ABCA5: variants seen among roughly 807,000 people sequenced by gnomAD.
ABCA5 encodes the protein ATP binding cassette subfamily A member 5, also known as cholesterol transporter ABCA5.
In ABCA5, 163 loss-of-function variants were observed where a neutral mutation model predicts 206.0. The ratio of observed to expected loss-of-function variants is 0.79; its 90% CI spans 0.70 to 0.90. The LOEUF (loss-of-function observed/expected upper bound fraction) is 0.90. Ranked by LOEUF, ABCA5 falls within the 40% of genes least tolerant of loss-of-function variation. The probability of loss-of-function intolerance (pLI) is 0.00; values close to 1 mark genes in which losing one functional copy is unlikely to be tolerated. For synonymous variants in ABCA5, 609 were observed against 613.8 expected (o/e 0.99, Z 0.11); for missense variants, 1,859 against 1,912.9 (o/e 0.97, Z 0.53).
chr17:69,319,894 A>G (rs2075848296), intron 1 of ABCA5, among the ~76,000 whole-genome samples: 1 of 152,250 alleles, frequency 6.6e-6, no homozygotes, highest in Admixed American at 6.5e-5. Flanking sequence ...GTATAGGTTA[A>G]GAGTATGACC....
chr17:69,285,288 T>C (rs1041967849), intron 17 of ABCA5: 2 of 148,880 alleles, frequency 1.3e-5, no homozygotes, highest in Admixed American at 1.4e-4. Flanking sequence ...TTGGCAAGTG[T>C]ACTTCAGTCC....
chr17:69,283,408 T>A (rs1598175998), intron 18 of ABCA5, among the ~76,000 whole-genome samples: 1 of 152,318 alleles, frequency 6.6e-6, no homozygotes, highest in South Asian at 2.1e-4. Flanking sequence ...CGTGTTTTTT[T>A]AAAAATTCAA....
chr17:69,278,467 T>C (rs1029548539), intron 18 of ABCA5, among the ~76,000 whole-genome samples: 12 of 152,208 alleles, frequency 7.9e-5, no homozygotes, highest in Admixed American at 5.9e-4. Flanking sequence ...CAGGCTCAGT[T>C]TTCAGCCAAA....
rs191100866 is a variant in ABCA5, at chr17:69,319,418, A to G, written c.-15-4988T>C. Among the ~76,000 whole-genome samples the G allele has an allele frequency of 2.0e-5, 3 of 152,268 alleles. No individual in the cohort carries two copies. In the East Asian group the frequency reaches 5.8e-4, roughly 29 times the overall value. ...TTCCTGAACTCAAGGTTGAGTCTCT[A>G]AGGGCCTTGTCTAAAAAACCTGCCC... On this transcript the variant is annotated intron_variant, in intron 1 of 38. Coordinates refer to ENST00000392676, the MANE Select transcript of ABCA5 (RefSeq NM_172232.4).
intron 19 of ABCA5, among the ~76,000 whole-genome samples, chr17:69,277,304 G>A (rs763898004): frequency 1.3e-5 from 2 of 152,142 alleles, no homozygotes; most frequent in Non-Finnish European, 2.9e-5. Flanking sequence ...ACAATGGGGA[G>A]TGTATTAATA....
rs756418001 is a variant in ABCA5, at chr17:69,256,291, T to C, written c.3732-8A>G. 8 of 1,522,302 alleles carry C rather than the reference T, an allele frequency of 5.3e-6. No homozygotes were observed. The South Asian group carries it at 7.6e-5, about 14-fold the overall frequency. The allele number at this position is 1,522,302 out of a possible 1,614,324, so 94.3% of individuals were successfully genotyped here. ...GACTTCGTTGAAAGGTTTCTACATA[T>C]ATATAATAAATATAAAAGACAGTAG... On this transcript the variant is annotated splice_polypyrimidine_tract_variant and splice_region_variant and intron_variant, in intron 28 of 38. Coordinates refer to ENST00000392676, the MANE Select transcript of ABCA5 (RefSeq NM_172232.4).
In ABCA5 at chr17:69,256,282, T is replaced by C; in HGVS notation, c.3733A>G (p.Asn1245Asp). The C allele has an allele frequency of 6.4e-7, 1 of 1,568,284 alleles. No homozygotes were observed. Among genetic ancestry groups the C allele is most frequent in the Non-Finnish European group, 8.7e-7 (1 of 1,152,520 alleles). The change falls in exon 29 of 39, where the codon AAC becomes GAC. Residue 1245 changes from asparagine to aspartate, a missense_variant and splice_region_variant. By Grantham distance (23) the Asn-to-Asp change is conservative (BLOSUM62 1). Transcript: ENST00000392676. ...CTATTTTTAGACTTCGTTGAAAGGT[T>C]TCTACATATATATAATAAATATAAA... ...RSIRKDPFFRNLSTKSKNRKL... is the reference protein window; with the variant it reads ...RSIRKDPFFRDLSTKSKNRKL...
chr17:69,277,982 A>AT, intron 18 of ABCA5, 140 bp from the exon 19 acceptor site: 1 of 598,028 alleles, frequency 1.7e-6, no homozygotes, highest in Non-Finnish European at 2.7e-6. Flanking sequence ...GGCAGTATCT[A>AT]TTAAAGCTGA....
At chr17:69,310,422 T>C (rs1357611585) in intron 3 of ABCA5, among the ~76,000 whole-genome samples, 2 of 152,350 alleles carry the variant, frequency 1.3e-5, no homozygotes, top group East Asian at 3.8e-4. Context: ...ATTACAGGCA[T>C]GAGCCAGTGC....
intron 22 of ABCA5, among the ~76,000 whole-genome samples, chr17:69,270,233 T>C (rs1049082643): frequency 6.6e-6 from 1 of 152,122 alleles, no homozygotes; most frequent in South Asian, 2.1e-4. Context: ...GATTCTGATA[T>C]GTACAATCCA....
intron 12 of ABCA5, among the ~76,000 whole-genome samples, chr17:69,290,758 CCAAA>C (rs563506671): frequency 1.8e-4 from 27 of 152,196 alleles, no homozygotes; most frequent in African/African-American, 6.3e-4. Context: ...TTCTCACCTA[CCAAA>C]CAATCACATA....
intron 1 of ABCA5, among the ~76,000 whole-genome samples, chr17:69,320,316 T>C (rs1476534515): frequency 6.6e-6 from 1 of 152,110 alleles, no homozygotes; most frequent in Non-Finnish European, 1.5e-5. Context: ...GTGAGCTAAA[T>C]TGAAGCGTGA....
chr17:69,293,037 AT>A (rs1416613869), intron 11 of ABCA5, among the ~76,000 whole-genome samples: 1 of 152,180 alleles, frequency 6.6e-6, no homozygotes, highest in Non-Finnish European at 1.5e-5. Context: ...TAATAAATTA[AT>A]TTGCCTCCTA....
At chr17:69,250,404 C>T in intron 36 of ABCA5, 68 bp downstream of exon 36, 1 of 1,405,168 alleles carries the variant, frequency 7.1e-7, no homozygotes, top group South Asian at 1.4e-5. Context: ...TCACTTAATC[C>T]TTAATATAAT....
intron 7 of ABCA5, among the ~76,000 whole-genome samples, chr17:69,303,857 T>TCACAC (rs2075686928): frequency 2.1e-5 from 1 of 47,324 alleles, no homozygotes. Flanking sequence ...TATATATATG[T>TCACAC]ATATATATAT....
At chr17:69,284,096 A>G in intron 17 of ABCA5, 24 bp from the exon 18 acceptor site, 2 of 1,501,734 alleles carry the variant, frequency 1.3e-6, no homozygotes, top group South Asian at 1.3e-5. Flanking sequence ...ATGAAAGAAT[A>G]GTATATCTTT....
At chr17:69,303,808 A>ATG (rs2075681515) in intron 7 of ABCA5, among the ~76,000 whole-genome samples, 4 of 6,706 alleles carry the variant, frequency 6.0e-4, no homozygotes, top group Admixed American at 5.8e-3. Context: ...ATATATATAT[A>ATG]CATACATATA....
chr17:69,317,428 GA>G (rs2075827870), intron 1 of ABCA5, among the ~76,000 whole-genome samples: 2 of 137,590 alleles, frequency 1.5e-5, no homozygotes, highest in Non-Finnish European at 3.1e-5. Flanking sequence ...AAAAAGGAAT[GA>G]AGTACTGCTA....
chr17:69,287,470 A>T, intron 15 of ABCA5, 143 bp downstream of exon 15: 1 of 1,162,714 alleles, frequency 8.6e-7, no homozygotes, highest in South Asian at 2.1e-5. Context: ...GTATCATTTT[A>T]AAATTTTTTA....
Sources: allele counts gnomAD v4.1 joint callset (sites outside exome capture counted in the v4.1 genomes callset), GRCh38; gene constraint gnomAD v4.1.1; transcripts MANE v1.5; gene names NCBI Gene and HGNC (gene_info 2026-07-23, HGNC 2026-07-21).